Variants in LRP1B observed in about 807,000 individuals in gnomAD.
LRP1B encodes LDL receptor related protein 1B.
LRP1B carries 217 observed loss-of-function variants against 556.6 expected under a neutral mutation model. The ratio of observed to expected loss-of-function variants is 0.39; its 90% CI spans 0.35 to 0.44. The LOEUF (loss-of-function observed/expected upper bound fraction) is 0.44, where lower values mean the gene tolerates loss of function less well. Among genes scored for constraint, LRP1B ranks in the 20% least tolerant of loss-of-function variants. The probability of loss-of-function intolerance (pLI) is 1.00; values close to 1 mark genes in which losing one functional copy is unlikely to be tolerated. For synonymous variants in LRP1B, 2,047 were observed against 1,865.8 expected (o/e 1.10, Z -2.50); for missense variants, 5,053 against 5,620.8 (o/e 0.90, Z 3.23).
At chr2:141,473,398 C>A (rs928235038) in intron 3 of LRP1B, among the ~76,000 whole-genome samples, 3 of 152,054 alleles carry the variant, frequency 2.0e-5, no homozygotes, top group Non-Finnish European at 4.4e-5. Context: ...GATGAAACAC[C>A]TATAGAAGTT....
intron 1 of LRP1B, among the ~76,000 whole-genome samples, chr2:142,096,320 A>C (rs561212071): frequency 2.2e-4 from 34 of 151,842 alleles, no homozygotes; most frequent in Admixed American, 5.3e-4. Context: ...ATGAAGGCAG[A>C]AAAGGAGTTT....
intron 33 of LRP1B, among the ~76,000 whole-genome samples, chr2:140,774,088 TAGTGATGTTA>T (rs2104945721): frequency 6.6e-6 from 1 of 152,228 alleles, no homozygotes; most frequent in East Asian, 1.9e-4. Context: ...TCCAAATAGG[TAGTGATGTTA>T]ACACCTTAAA....
chr2:141,251,439 C>T (rs1684256913), intron 4 of LRP1B, among the ~76,000 whole-genome samples: 1 of 152,002 alleles, frequency 6.6e-6, no homozygotes, highest in Non-Finnish European at 1.5e-5. Flanking sequence ...GGAATGATGG[C>T]TATAGGAAGA....
intron 3 of LRP1B, among the ~76,000 whole-genome samples, chr2:141,410,780 T>A (rs1690822791): frequency 6.6e-6 from 1 of 152,038 alleles, no homozygotes; most frequent in Admixed American, 6.6e-5. Flanking sequence ...TATAAACATT[T>A]TGGCCTCTAT....
At chr2:141,514,287 C>A (rs912869232) in intron 2 of LRP1B, among the ~76,000 whole-genome samples, 4 of 152,106 alleles carry the variant, frequency 2.6e-5, no homozygotes, top group African/African-American at 9.7e-5. Flanking sequence ...TATGTAATGC[C>A]CCAGACTTCA....
intron 2 of LRP1B, among the ~76,000 whole-genome samples, chr2:141,667,921 A>G (rs947147538): frequency 4.6e-5 from 7 of 152,188 alleles, no homozygotes; most frequent in African/African-American, 1.7e-4. Flanking sequence ...CTGAGCCTTC[A>G]TTTCCTCCTT....
At chr2:140,423,484 G>A (rs1359163049) in intron 66 of LRP1B, among the ~76,000 whole-genome samples, 2 of 151,958 alleles carry the variant, frequency 1.3e-5, no homozygotes, top group Non-Finnish European at 2.9e-5. Context: ...TAGAATGAAT[G>A]GAGGTTCTCT....
intron 7 of LRP1B, among the ~76,000 whole-genome samples, chr2:141,090,567 TTC>T (rs1700149971): frequency 6.6e-6 from 1 of 152,230 alleles, no homozygotes; most frequent in Non-Finnish European, 1.5e-5. Context: ...CATTCTACAT[TTC>T]TCTTATGCAG....
intron 29 of LRP1B, among the ~76,000 whole-genome samples, chr2:140,841,811 A>T (rs1692113543): frequency 6.6e-6 from 1 of 152,190 alleles, no homozygotes; most frequent in Non-Finnish European, 1.5e-5. Context: ...CCACTTAAAA[A>T]CTGCACCTTT....
At chr2:141,306,286 T>A (rs1686584775) in intron 3 of LRP1B, among the ~76,000 whole-genome samples, 1 of 152,158 alleles carries the variant, frequency 6.6e-6, no homozygotes, top group Admixed American at 6.5e-5. Context: ...TGGACTTTTT[T>A]TAATTACTGT....
At chr2:140,399,451 G>C (rs1684399451) in intron 66 of LRP1B, among the ~76,000 whole-genome samples, 1 of 151,878 alleles carries the variant, frequency 6.6e-6, no homozygotes, top group Non-Finnish European at 1.5e-5. Context: ...ATGTTATAAA[G>C]TACAGTTTTA....
At chr2:140,674,445 C>T (rs776227163) in intron 41 of LRP1B, among the ~76,000 whole-genome samples, 1 of 152,128 alleles carries the variant, frequency 6.6e-6, no homozygotes, top group African/African-American at 2.4e-5. Flanking sequence ...TAATAAGAAC[C>T]CTGGTCTCCA....
chr2:140,772,087 G>T (rs890543182), intron 33 of LRP1B, among the ~76,000 whole-genome samples: 1 of 152,138 alleles, frequency 6.6e-6, no homozygotes, highest in Non-Finnish European at 1.5e-5. Flanking sequence ...TCCTGTATCT[G>T]CCAGTTTGGC....
intron 1 of LRP1B, among the ~76,000 whole-genome samples, chr2:142,055,273 A>G (rs1704627408): frequency 6.6e-6 from 1 of 152,166 alleles, no homozygotes; most frequent in Non-Finnish European, 1.5e-5. Flanking sequence ...GATAAAGGTA[A>G]GAAAACATCC....
chr2:140,377,774 T>G lies in LRP1B; in HGVS notation c.10638+406A>C, dbSNP rs543918532. Among the ~76,000 whole-genome samples, 8 of 152,312 alleles carry G rather than the reference T, an allele frequency of 5.3e-5. No individual in the cohort carries two copies. In the South Asian group the frequency reaches 1.7e-3, roughly 32 times the overall value. ...AAAATTGATGACCCACATCGATGTC[T>G]GTAAGACTATATCTATTGAAGAAAG... On this transcript the variant is annotated intron_variant, in intron 68 of 90. Coordinates refer to ENST00000389484, the MANE Select transcript of LRP1B (RefSeq NM_018557.3).
intron 1 of LRP1B, among the ~76,000 whole-genome samples, chr2:141,880,696 C>A (rs1023080692): frequency 6.6e-6 from 1 of 151,850 alleles, no homozygotes; most frequent in Non-Finnish European, 1.5e-5. Flanking sequence ...GTCATTTTCA[C>A]CTGGAAATTT....
At chr2:141,726,612 T>C in intron 2 of LRP1B, among the ~76,000 whole-genome samples, 1 of 152,038 alleles carries the variant, frequency 6.6e-6, no homozygotes, top group East Asian at 1.9e-4. Flanking sequence ...CTTGGTATAT[T>C]AATATAAGTT....
intron 2 of LRP1B, among the ~76,000 whole-genome samples, chr2:141,741,385 T>C (rs1693699567): frequency 6.8e-6 from 1 of 148,022 alleles, no homozygotes; most frequent in Non-Finnish European, 1.5e-5. Context: ...AACTGTTCTA[T>C]AAAGTGGTTC....
chr2:140,858,532 G>GAGA lies in LRP1B; in HGVS notation c.4580-6750_4580-6749insTCT, dbSNP rs1343215851. On this transcript the variant is annotated intron_variant, in intron 27 of 90. Coordinates refer to ENST00000389484, the MANE Select transcript of LRP1B (RefSeq NM_018557.3). The stretch of plus-strand genomic sequence containing the variant: ...AGAGAGAGAGAGAGAGAGAGAGAAA[G>GAGA]GAAAGAGAAAGAGAAATTTAATTTA... Among the ~76,000 whole-genome samples the GAGA allele has an allele frequency of 2.1e-5, 3 of 143,478 alleles. No individual in the cohort carries two copies. In the South Asian group the frequency reaches 6.7e-4, roughly 32 times the overall value. 94.1% of individuals were successfully genotyped at this position (143,478 alleles called of 152,430 possible). A position where few individuals can be genotyped will look rare whatever the true frequency, so the allele number is the denominator to read the frequency against.
Sources: allele counts gnomAD v4.1 joint callset (sites outside exome capture counted in the v4.1 genomes callset), GRCh38; gene constraint gnomAD v4.1.1; transcripts MANE v1.5; gene names NCBI Gene and HGNC (gene_info 2026-07-23, HGNC 2026-07-21).